The following RNF11 variants were observed in gnomAD, a reference collection of about 807,000 sequenced individuals.
The protein encoded by RNF11 is ring finger protein 11.
A neutral mutation model predicts 15.8 loss-of-function variants in RNF11; 4 were observed. The ratio of observed to expected loss-of-function variants is 0.25; its 90% CI spans 0.12 to 0.58. The LOEUF (loss-of-function observed/expected upper bound fraction) is 0.58. RNF11 is among the 20% of genes least tolerant of loss of function. The pLI is 0.91. For synonymous variants in RNF11, 68 were observed against 72.3 expected (o/e 0.94, Z 0.30); for missense variants, 139 against 194.4 (o/e 0.71, Z 1.70).
At position 51,251,759 on chromosome 1, in the gene RNF11, A is replaced by C. The variant is rs143079716; in HGVS notation, c.123+14880A>C. ...TTGAGACAGCCTGGGCAGGAGAGCA[A>C]GACCTCATCTTTACAAAAAATCAAA... On this transcript the variant is annotated intron_variant, in intron 1 of 2. Coordinates refer to ENST00000242719, the MANE Select transcript of RNF11 (RefSeq NM_014372.5). 3.2e-4 allele frequency among the ~76,000 whole-genome samples: 49 copies of C among 152,178 alleles called. 3 individuals carry two copies. Among genetic ancestry groups the C allele is most frequent in the African/African-American group, 1.1e-3 (47 of 41,528 alleles).
chr1:51,253,904 C>T lies in RNF11; in HGVS notation c.124-16052C>T, dbSNP rs77875861. Among the ~76,000 whole-genome samples the T allele has an allele frequency of 7.1e-4, 107 of 151,100 alleles. 4 individuals carry two copies. In the East Asian group the frequency reaches 0.019, roughly 27 times the overall value. On this transcript the variant is annotated intron_variant, in intron 1 of 2. Transcript: ENST00000242719. ...ATCCTAGCACTTTGGGATGTGGAGG[C>T]GGGAGGATTGCTTGAGCCTAGAAAT...
At chr1:51,270,217 C>T (rs1340602341) in intron 2 of RNF11, 92 bp downstream of exon 2, 6 of 888,702 alleles carry the variant, frequency 6.8e-6, no homozygotes, top group Non-Finnish European at 8.6e-6. Flanking sequence ...GAAAGTCAGA[C>T]ATTTAATATA....
At chr1:51,245,260 C>G (rs1023874321) in intron 1 of RNF11, among the ~76,000 whole-genome samples, 3 of 151,948 alleles carry the variant, frequency 2.0e-5, no homozygotes, top group African/African-American at 7.3e-5. Context: ...TCAAGCAGTC[C>G]TCCCATCTCA....
intron 1 of RNF11, among the ~76,000 whole-genome samples, chr1:51,245,483 ACTCCATCGCCCAG>A (rs1646847703): frequency 6.7e-6 from 1 of 149,886 alleles, no homozygotes; most frequent in African/African-American, 2.5e-5. Flanking sequence ...ATGGAGTCTT[ACTCCATCGCCCAG>A]GCTGGAGTGC....
rs2148062500 is a variant in RNF11 at position 51,236,674 on chromosome 1, C to T, written c.-83C>T. The T allele has an allele frequency of 6.3e-7, 1 of 1,575,324 alleles. No individual in the cohort carries two copies. Among genetic ancestry groups the T allele is most frequent in the East Asian group, 2.3e-5 (1 of 43,528 alleles). On this transcript the variant is annotated 5_prime_UTR_variant, in exon 1 of 3. Coordinates refer to ENST00000242719, the MANE Select transcript of RNF11 (RefSeq NM_014372.5). Reference sequence around the variant, plus strand: ...CGGCCTGTCGCCCGACCCCACCTCGCCAACCGAGGCGGACCGCGGAGTGTG... The same window carrying T: ...CGGCCTGTCGCCCGACCCCACCTCGTCAACCGAGGCGGACCGCGGAGTGTG...
chr1:51,249,452 A>T (rs895963841), intron 1 of RNF11, among the ~76,000 whole-genome samples: 11 of 152,150 alleles, frequency 7.2e-5, no homozygotes, highest in African/African-American at 2.7e-4. Flanking sequence ...ACTATAATAT[A>T]GTCTGTTTCC....
chr1:51,236,639 G>T lies in RNF11; in HGVS notation c.-118G>T. The T allele has an allele frequency of 7.1e-7, 1 of 1,417,694 alleles. No individual in the cohort carries two copies. Among genetic ancestry groups the T allele is most frequent in the Admixed American group, 1.9e-5 (1 of 53,324 alleles). 87.8% of individuals were successfully genotyped at this position (1,417,694 alleles called of 1,614,324 possible). On this transcript the variant is annotated 5_prime_UTR_variant, in exon 1 of 3. Transcript: ENST00000242719. ...ACCGTGGGGCGGTGGAGTCGCCTCC[G>T]CCTGATCCCCGGCCTGTCGCCCGAC...
chr1:51,244,415 C>G (rs1013639151), intron 1 of RNF11, among the ~76,000 whole-genome samples: 1 of 151,666 alleles, frequency 6.6e-6, no homozygotes, highest in Non-Finnish European at 1.5e-5. Flanking sequence ...GACGAAGTCT[C>G]GCTGTGTCAC....
intron 1 of RNF11, 143 bp downstream of exon 1, chr1:51,237,022 T>G (rs1646806795): frequency 9.0e-7 from 1 of 1,108,302 alleles, no homozygotes; most frequent in Non-Finnish European, 1.2e-6. Flanking sequence ...CTGAGGGCAT[T>G]TGCTCTCTGA....
chr1:51,240,068 A>G (rs559715789), intron 1 of RNF11, among the ~76,000 whole-genome samples: 3 of 152,188 alleles, frequency 2.0e-5, no homozygotes, highest in Non-Finnish European at 4.4e-5. Context: ...CCTCAATACA[A>G]CAGCCACAGT....
At chr1:51,237,873 C>T (rs566777025) in intron 1 of RNF11, among the ~76,000 whole-genome samples, 14 of 152,202 alleles carry the variant, frequency 9.2e-5, no homozygotes, top group African/African-American at 2.9e-4. Flanking sequence ...GGGTAGGCTC[C>T]TTTGTTGTTT....
chr1:51,251,402 G>A (rs1173379500), intron 1 of RNF11: 4 of 1,363,164 alleles, frequency 2.9e-6, no homozygotes, highest in Non-Finnish European at 4.0e-6. Context: ...CGAAACCTCC[G>A]CGGAAGCCAC....
chr1:51,256,154 C>T (rs1431880691), intron 1 of RNF11, among the ~76,000 whole-genome samples: 2 of 152,164 alleles, frequency 1.3e-5, no homozygotes, highest in East Asian at 3.8e-4. Context: ...TGTATAATGA[C>T]ATGCATCCAC....
intron 1 of RNF11, among the ~76,000 whole-genome samples, chr1:51,245,843 A>G (rs17106462): frequency 0.011 from 1,647 of 152,348 alleles, 27 homozygotes; most frequent in African/African-American, 0.036. Context: ...CATAAAAGAC[A>G]TATTTGCAAA....
intron 1 of RNF11, among the ~76,000 whole-genome samples, chr1:51,268,292 C>T (rs1280701307): frequency 6.6e-6 from 1 of 152,146 alleles, no homozygotes; most frequent in African/African-American, 2.4e-5. Flanking sequence ...TAGTCATTTC[C>T]TTTCCTCTAT....
chr1:51,261,366 G>A (rs1234346605), intron 1 of RNF11, among the ~76,000 whole-genome samples: 4 of 152,182 alleles, frequency 2.6e-5, no homozygotes, highest in South Asian at 4.1e-4. Flanking sequence ...TTAAGAATCC[G>A]TGAGAGGCAA....
intron 1 of RNF11, among the ~76,000 whole-genome samples, chr1:51,252,108 A>C (rs908774563): frequency 1.3e-5 from 2 of 150,582 alleles, no homozygotes; most frequent in Non-Finnish European, 3.0e-5. Flanking sequence ...AAAAAGAAAC[A>C]GAAAAAGAAA....
In RNF11 at chr1:51,236,676, A is replaced by T. The variant is rs1054437731; in HGVS notation, c.-81A>T. The T allele has an allele frequency of 6.3e-7, 1 of 1,577,810 alleles. No individual in the cohort carries two copies. The highest frequency in any genetic ancestry group is 1.4e-5 in the African/African-American group (1 of 73,684). On this transcript the variant is annotated 5_prime_UTR_variant, in exon 1 of 3. Coordinates refer to ENST00000242719, the MANE Select transcript of RNF11 (RefSeq NM_014372.5). Reference sequence around the variant, plus strand: ...GCCTGTCGCCCGACCCCACCTCGCCAACCGAGGCGGACCGCGGAGTGTGCG... The same window carrying T: ...GCCTGTCGCCCGACCCCACCTCGCCTACCGAGGCGGACCGCGGAGTGTGCG...
At chr1:51,239,907 A>C (rs1646820993) in intron 1 of RNF11, among the ~76,000 whole-genome samples, 1 of 152,168 alleles carries the variant, frequency 6.6e-6, no homozygotes, top group African/African-American at 2.4e-5. Flanking sequence ...TTAACATCTG[A>C]CAAATTTGTT....
Sources: allele counts gnomAD v4.1 joint callset (sites outside exome capture counted in the v4.1 genomes callset), GRCh38; gene constraint gnomAD v4.1.1; transcripts MANE v1.5; gene names NCBI Gene and HGNC (gene_info 2026-07-23, HGNC 2026-07-21).